CNKSR2: variants seen among roughly 807,000 people sequenced by gnomAD.
CNKSR2 encodes the protein CNK homolog protein 2.
Under a neutral mutation model 84.4 loss-of-function variants are expected in CNKSR2, and 14 were observed. The observed-to-expected ratio is 0.17, with a 90% CI of 0.11 to 0.26. The LOEUF (loss-of-function observed/expected upper bound fraction) is 0.26, where lower values mean the gene tolerates loss of function less well. CNKSR2 is among the 10% of genes least tolerant of loss of function. CNKSR2 has a pLI of 1.00. For missense variants in CNKSR2, 485 were observed against 771.2 expected, an observed-to-expected ratio of 0.63 and a Z score of 4.40; for synonymous variants, 275 against 277.9, an observed-to-expected ratio of 0.99 and a Z score of 0.10.
At chrX:21,390,029 A>G (rs1170513950) in intron 1 of CNKSR2, among the ~76,000 whole-genome samples, 1 of 112,095 alleles carries the variant, frequency 8.9e-6, no homozygotes, top group Non-Finnish European at 1.9e-5. Flanking sequence ...ATTTTACCTT[A>G]ATGCTAAACA....
intron 13 of CNKSR2, among the ~76,000 whole-genome samples, chrX:21,576,867 A>G (rs774015478): frequency 1.8e-5 from 2 of 111,616 alleles, no homozygotes; most frequent in South Asian, 3.7e-4. Context: ...CAAAATATCA[A>G]TACAGAAATA....
At chrX:21,422,112 C>A (rs961700176) in intron 1 of CNKSR2, 3 of 111,794 alleles carry the variant, frequency 2.7e-5, no homozygotes, top group Admixed American at 9.5e-5. Flanking sequence ...AAGTTCCCTG[C>A]TGGGGAGAGT....
chrX:21,545,701 G>C (rs2092019086), intron 11 of CNKSR2, among the ~76,000 whole-genome samples: 1 of 111,971 alleles, frequency 8.9e-6, no homozygotes, highest in Admixed American at 9.3e-5. Flanking sequence ...TGCCCCTCTG[G>C]GATGAAGCTT....
chrX:21,462,969 G>A lies in CNKSR2; in HGVS notation c.520-7797G>A, dbSNP rs183783622. Among the ~76,000 whole-genome samples the A allele has an allele frequency of 9.5e-3, 1,051 of 110,704 alleles. 12 individuals are homozygous for A. The highest frequency in any genetic ancestry group is 0.031 in the African/African-American group (953 of 30,397). ...GATCCGCCCGCCTCGGCCTCCCAAA[G>A]TGCTGAGATTACAGGCATGAGCCAC... On this transcript the variant is annotated intron_variant, in intron 4 of 21. Coordinates refer to ENST00000379510, the MANE Select transcript of CNKSR2 (RefSeq NM_014927.5).
chrX:21,651,059 A>G (rs2092719837), intron 21 of CNKSR2, among the ~76,000 whole-genome samples: 4 of 111,145 alleles, frequency 3.6e-5, no homozygotes, highest in Non-Finnish European at 7.5e-5. Flanking sequence ...CTCTCCTTCT[A>G]TCTCACAGCC....
At chrX:21,421,951 C>G (rs989309069) in intron 1 of CNKSR2, 3 of 111,434 alleles carry the variant, frequency 2.7e-5, no homozygotes, top group African/African-American at 9.8e-5. Context: ...AATCCTGCAT[C>G]TGTATGGGGC....
intron 1 of CNKSR2, among the ~76,000 whole-genome samples, chrX:21,381,405 C>T (rs913262011): frequency 9.0e-6 from 1 of 111,569 alleles, no homozygotes; most frequent in East Asian, 2.8e-4. Context: ...TTAATGTACT[C>T]TGTTTCCCTT....
rs769377248 is a variant in CNKSR2, at chrX:21,517,440, G to T, written c.957+809G>T. Among the ~76,000 whole-genome samples, 15 of 110,549 alleles carry T rather than the reference G, an allele frequency of 1.4e-4. No homozygotes were observed. In the South Asian group the frequency reaches 5.8e-3, roughly 43 times the overall value. On this transcript the variant is annotated intron_variant, in intron 9 of 21. Transcript: ENST00000379510. ...TTGATCATTTTTCTCTTTCCACCCT[G>T]TAAGGTGGCAAAAATAGGGAAATTG...
chrX:21,500,614 A>T (rs113963715), intron 7 of CNKSR2, among the ~76,000 whole-genome samples: 6,201 of 111,171 alleles, frequency 0.056, 418 homozygotes, highest in African/African-American at 0.18. Flanking sequence ...GAAAAATATA[A>T]TATTTTAAAT....
At chrX:21,424,598 G>GT (rs1471728378) in intron 1 of CNKSR2, 1 of 111,490 alleles carries the variant, frequency 9.0e-6, no homozygotes, top group Non-Finnish European at 1.9e-5. Flanking sequence ...AAATAGTATG[G>GT]TATTTGGATA....
chrX:21,545,743 G>A (rs2092019369), intron 11 of CNKSR2, among the ~76,000 whole-genome samples: 1 of 112,245 alleles, frequency 8.9e-6, no homozygotes, highest in Non-Finnish European at 1.9e-5. Flanking sequence ...AATCTTTGCT[G>A]TTCTGCAGCC....
chrX:21,469,663 C>A (rs1601829405), intron 4 of CNKSR2, among the ~76,000 whole-genome samples: 1 of 110,928 alleles, frequency 9.0e-6, no homozygotes, highest in Non-Finnish European at 1.9e-5. Flanking sequence ...GTAATCCCAG[C>A]ACTTTGATCT....
intron 1 of CNKSR2, among the ~76,000 whole-genome samples, chrX:21,413,246 T>C (rs2090369952): frequency 9.0e-6 from 1 of 111,402 alleles, no homozygotes; most frequent in African/African-American, 3.3e-5. Context: ...ATCAGCACTT[T>C]CTTTTTAAGG....
intron 2 of CNKSR2, chrX:21,429,127 A>C (rs1202703842): frequency 8.9e-6 from 1 of 112,154 alleles, no homozygotes; most frequent in Non-Finnish European, 1.9e-5. Flanking sequence ...ATGCTTTTGC[A>C]TGCATATGAT....
intron 11 of CNKSR2, among the ~76,000 whole-genome samples, chrX:21,542,953 CTG>C (rs1208083362): frequency 8.9e-6 from 1 of 112,221 alleles, no homozygotes; most frequent in Admixed American, 9.4e-5. Context: ...AAATTAATCT[CTG>C]TAACATTATA....
intron 8 of CNKSR2, among the ~76,000 whole-genome samples, 174 bp downstream of exon 8, chrX:21,501,762 T>A (rs777274889): frequency 1.8e-5 from 2 of 111,118 alleles, no homozygotes; most frequent in South Asian, 7.6e-4. Flanking sequence ...TAAAGCATTT[T>A]TTTAAAAGAA....
chrX:21,437,569 G>A (rs747356825), intron 3 of CNKSR2, among the ~76,000 whole-genome samples: 4 of 107,891 alleles, frequency 3.7e-5, no homozygotes, highest in Non-Finnish European at 3.8e-5. Context: ...ACAGGCACCC[G>A]TCACCATGCC....
At chrX:21,400,530 GA>G (rs1385445477) in intron 1 of CNKSR2, among the ~76,000 whole-genome samples, 1 of 111,209 alleles carries the variant, frequency 9.0e-6, no homozygotes, top group Non-Finnish European at 1.9e-5. Context: ...ATAAATGAAG[GA>G]AATCACCCTA....
intron 11 of CNKSR2, among the ~76,000 whole-genome samples, chrX:21,547,982 A>G (rs1254384076): frequency 8.9e-6 from 1 of 112,112 alleles, no homozygotes; most frequent in African/African-American, 3.2e-5. Context: ...AATGGGAAAG[A>G]TCTAAAATCG....
Sources: gnomAD v4.1 joint callset for allele counts (sites outside exome capture counted in the v4.1 genomes callset) on GRCh38, gnomAD v4.1.1 for gene constraint, MANE v1.5 for transcripts, NCBI Gene and HGNC (gene_info 2026-07-23, HGNC 2026-07-21) for gene names.